Variants in KIAA0753 observed in about 807,000 individuals in gnomAD.
The protein encoded by KIAA0753 is KIAA0753, also known as protein moonraker.
Under a neutral mutation model 116.9 loss-of-function variants are expected in KIAA0753, and 114 were observed. The ratio of observed to expected loss-of-function variants is 0.98; its 90% confidence interval spans 0.84 to 1.14. KIAA0753 has a LOEUF of 1.14. KIAA0753 is among the 50% of genes most tolerant of loss of function. The pLI is 0.00. For synonymous variants in KIAA0753, 405 were observed against 413.1 expected, an observed-to-expected ratio of 0.98 and a Z score of 0.24; for missense variants, 1,156 against 1,172.4, an observed-to-expected ratio of 0.99 and a Z score of 0.20.
intron 7 of KIAA0753, among the ~76,000 whole-genome samples, chr17:6,620,018 A>T (rs1971196042): frequency 6.6e-6 from 1 of 152,222 alleles, no homozygotes; most frequent in South Asian, 2.1e-4. Context: ...TGTACCTCAG[A>T]CCAACAAAAT....
At chr17:6,614,300 A>G (rs1172219288) in intron 7 of KIAA0753, among the ~76,000 whole-genome samples, 1 of 152,194 alleles carries the variant, frequency 6.6e-6, no homozygotes, top group East Asian at 1.9e-4. Context: ...ACGTGCACAG[A>G]GGAAGCCAGG....
chr17:6,581,340 C>T (rs758645769), intron 18 of KIAA0753, among the ~76,000 whole-genome samples: 7 of 152,024 alleles, frequency 4.6e-5, no homozygotes, highest in Admixed American at 3.9e-4. Context: ...TCAGGACATA[C>T]GGTTTTGAAA....
At position 6,601,034 on chromosome 17, in the gene KIAA0753, G is replaced by T. The variant is rs570519061; in HGVS notation, c.2010-576C>A. ...ATCAGACGAGATCGGGCACATTCAG[G>T]GTGGTATGGCCGTAGACAGGAAGTT... is the stretch of plus-strand genomic sequence containing the variant. On this transcript the variant is annotated intron_variant, in intron 12 of 18. Coordinates refer to ENST00000361413, the MANE Select transcript of KIAA0753 (RefSeq NM_014804.3). The T allele has an allele frequency of 3.4e-4, 52 of 153,760 alleles. No homozygotes were observed. The South Asian group carries it at 9.0e-3, about 27-fold the overall frequency. 9.5% of individuals were successfully genotyped at this position (153,760 alleles called of 1,614,324 possible).
At chr17:6,630,714 T>C (rs564823962) in intron 2 of KIAA0753, among the ~76,000 whole-genome samples, 8 of 152,322 alleles carry the variant, frequency 5.3e-5, no homozygotes, top group Admixed American at 5.2e-4. Context: ...CAATGGTCTA[T>C]CCACAAACTG....
rs182858996 is a variant in KIAA0753, at chr17:6,612,202, T to C, written c.1316-54A>G. ...GAGGAAAATGCTATTCAAATCAAATTGCTGAGAATGATTATCTACACACAG... is the reference window on the plus strand; with the variant it reads ...GAGGAAAATGCTATTCAAATCAAATCGCTGAGAATGATTATCTACACACAG... On this transcript the variant is annotated intron_variant, in intron 7 of 18. Transcript: ENST00000361413. The C allele has an allele frequency of 5.4e-4, 710 of 1,313,972 alleles. 3 individuals are homozygous for C. The African/African-American group carries it at 8.8e-3, about 16-fold the overall frequency. The allele number at this position is 1,313,972 out of a possible 1,614,324, so 81.4% of individuals were successfully genotyped here.
intron 15 of KIAA0753, 72 bp downstream of exon 15, chr17:6,596,086 G>A (rs912446755): frequency 8.5e-6 from 12 of 1,413,300 alleles, no homozygotes; most frequent in Non-Finnish European, 1.2e-5. Flanking sequence ...GGCTGCAGAG[G>A]CATGAGGAGA....
At chr17:6,624,321 G>A (rs1472387904) in intron 4 of KIAA0753, among the ~76,000 whole-genome samples, 1 of 152,110 alleles carries the variant, frequency 6.6e-6, no homozygotes, top group Non-Finnish European at 1.5e-5. Flanking sequence ...TTATAAACAT[G>A]AAATAGATGG....
rs1969330592 is a variant in KIAA0753 at position 6,594,581 on chromosome 17, T to G, written c.2440+391A>C. Among the ~76,000 whole-genome samples, 4 of 152,216 alleles carry G rather than the reference T, an allele frequency of 2.6e-5. No homozygotes were observed. The South Asian group carries it at 8.3e-4, about 32-fold the overall frequency. On this transcript the variant is annotated intron_variant, in intron 16 of 18. Transcript: ENST00000361413. The stretch of plus-strand genomic sequence containing the variant: ...GAGGGAACTTTCTGAGGTGATATGT[T>G]CTATGTCTTGATAGGGGTTTGCATA...
At chr17:6,629,187 CA>C (rs1291678462) in intron 2 of KIAA0753, among the ~76,000 whole-genome samples, 1 of 152,232 alleles carries the variant, frequency 6.6e-6, no homozygotes, top group African/African-American at 2.4e-5. Context: ...CCTGAGACTT[CA>C]TTTGGTGGCT....
At chr17:6,607,136 G>C in intron 11 of KIAA0753, 45 bp downstream of exon 11, 3 of 1,482,684 alleles carry the variant, frequency 2.0e-6, no homozygotes, top group Non-Finnish European at 2.8e-6. Context: ...TAGAGATGTA[G>C]AATAGGCCTG....
chr17:6,634,095 CTTT>C (rs59023654), intron 2 of KIAA0753, among the ~76,000 whole-genome samples: 1 of 130,166 alleles, frequency 7.7e-6, no homozygotes, highest in African/African-American at 2.8e-5. Flanking sequence ...AGGGTGAATT[CTTT>C]TTTTTTTTTT....
rs1567538712 is a variant in KIAA0753 at position 6,589,945 on chromosome 17, G to A, written c.2620C>T (p.Leu874Phe). Residue 874 changes from leucine to phenylalanine, a missense_variant, in exon 18 of 19, where the codon CTC becomes TTC. Coordinates refer to ENST00000361413, the MANE Select transcript of KIAA0753 (RefSeq NM_014804.3). ...TGTTGAGAATCTTCGGCTAGGGAGA[G>A]AAGAGGGGCCTCTCTTTTCTCTGAT... ...EGSEKREAPL[L>F]SLAEDSQQKE... 6.2e-7 allele frequency: 1 copy of A among 1,607,678 alleles called. No homozygotes were observed. Among genetic ancestry groups the A allele is most frequent in the Non-Finnish European group, 8.5e-7 (1 of 1,178,140 alleles).
intron 15 of KIAA0753, among the ~76,000 whole-genome samples, 157 bp downstream of exon 15, chr17:6,596,001 C>T (rs1003851817): frequency 2.0e-5 from 3 of 152,186 alleles, no homozygotes; most frequent in African/African-American, 4.8e-5. Flanking sequence ...GAGGGGTTGA[C>T]GATACCAAGG....
Position 6,600,405 on chromosome 17 carries a change from A to C in KIAA0753, c.2063T>G (p.Leu688Trp). Reference sequence around the variant, plus strand: ...CTGGGCCTTGACCAAGAGAGGCTTCAAACGATCCAGAACTGCCTCCTCTAC... The same window carrying C: ...CTGGGCCTTGACCAAGAGAGGCTTCCAACGATCCAGAACTGCCTCCTCTAC... ...DKVEEAVLDR[L>W]KPLLVKAQRV... Residue 688 changes from leucine to tryptophan, a missense_variant, in exon 13 of 19, where the codon TTG becomes TGG. By Grantham distance (61) the Leu-to-Trp change is moderately conservative. Coordinates refer to ENST00000361413, the MANE Select transcript of KIAA0753 (RefSeq NM_014804.3). 1 of 1,614,028 alleles carries C rather than the reference A, an allele frequency of 6.2e-7. No homozygotes were observed. The highest frequency in any genetic ancestry group is 8.5e-7 in the Non-Finnish European group (1 of 1,179,874).
In KIAA0753 at chr17:6,579,640, C is replaced by T. The variant is rs1208718191; in HGVS notation, c.*107G>A. On this transcript the variant is annotated 3_prime_UTR_variant, in exon 19 of 19. Coordinates refer to ENST00000361413, the MANE Select transcript of KIAA0753 (RefSeq NM_014804.3). ...CCTTCCTTTCAGTGGGCAGCACCTTCTGGGCCTGGATGGACAGCTGAGGAT... is the reference window on the plus strand; with the variant it reads ...CCTTCCTTTCAGTGGGCAGCACCTTTTGGGCCTGGATGGACAGCTGAGGAT... The T allele has an allele frequency of 2.6e-6, 2 of 767,868 alleles. No homozygotes were observed. Among genetic ancestry groups the T allele is most frequent in the Middle Eastern group, 3.2e-4 (1 of 3,088 alleles). The allele number at this position is 767,868 out of a possible 1,614,324, so 47.6% of individuals were successfully genotyped here.
intron 7 of KIAA0753, among the ~76,000 whole-genome samples, chr17:6,615,296 C>T (rs1970816031): frequency 1.3e-5 from 2 of 152,100 alleles, no homozygotes; most frequent in African/African-American, 4.8e-5. Context: ...CACCTAGTAG[C>T]TGTCTTGGTG....
rs937173090 is a variant in KIAA0753 at position 6,640,647 on chromosome 17, G to A, written c.-79C>T. On this transcript the variant is annotated 5_prime_UTR_variant, in exon 1 of 19. Coordinates refer to ENST00000361413, the MANE Select transcript of KIAA0753 (RefSeq NM_014804.3). Reference sequence around the variant, plus strand: ...CCGGCCCGAGCCCACCTGGCCTAGGGTGAGGCGCGGCTACTGGGAGGCGGG... The same window carrying A: ...CCGGCCCGAGCCCACCTGGCCTAGGATGAGGCGCGGCTACTGGGAGGCGGG... The A allele has an allele frequency of 3.8e-5, 6 of 158,722 alleles. No individual in the cohort carries two copies. The South Asian group carries it at 8.3e-4, about 22-fold the overall frequency. 9.8% of individuals were successfully genotyped at this position (158,722 alleles called of 1,614,324 possible). A position where few individuals can be genotyped will look rare whatever the true frequency, so the allele number is the denominator to read the frequency against.
intron 16 of KIAA0753, among the ~76,000 whole-genome samples, chr17:6,591,040 GGAAGAAGAA>G (rs71157205): frequency 0.051 from 5,115 of 99,614 alleles, 209 homozygotes; most frequent in Non-Finnish European, 0.057. Context: ...GAAGGAAGAA[GGAAGAAGAA>G]GAAGAAGAAG....
chr17:6,622,919 A>C lies in KIAA0753; in HGVS notation c.1067T>G (p.Val356Gly), dbSNP rs1438806785. The C allele has an allele frequency of 2.5e-5, 41 of 1,614,168 alleles. No homozygotes were observed. The highest frequency in any genetic ancestry group is 3.5e-5 in the Non-Finnish European group (41 of 1,180,002). ...CAGAATATCTATAACCACATCAGGA[A>C]CAGAAGGGTCTGCATCCAGCTTGAC... Reference protein sequence around the residue: ...CSVKLDADPSVPDVVIDILQQ... With the variant: ...CSVKLDADPSGPDVVIDILQQ... Residue 356 changes from valine (V) to glycine (G), a missense_variant, in exon 6 of 19, where the codon GTT becomes GGT. Coordinates refer to ENST00000361413, the MANE Select transcript of KIAA0753 (RefSeq NM_014804.3).
Sources: gnomAD v4.1 joint callset for allele counts (sites outside exome capture counted in the v4.1 genomes callset) on GRCh38, gnomAD v4.1.1 for gene constraint, MANE v1.5 for transcripts, NCBI Gene and HGNC (gene_info 2026-07-23, HGNC 2026-07-21) for gene names.